Variants in METTL4 observed in about 807,000 individuals in gnomAD.
METTL4 encodes N(6)-adenine-specific methyltransferase METTL4.
In METTL4, 40 loss-of-function variants were observed where a neutral mutation model predicts 54.0. The ratio of observed to expected loss-of-function variants is 0.74; its 90% CI spans 0.58 to 0.96. METTL4 has a LOEUF of 0.96. METTL4 is among the 50% of genes least tolerant of loss of function. The pLI, the probability that METTL4 is intolerant of heterozygous loss-of-function variation, is 0.00. For synonymous variants in METTL4, 169 were observed against 183.8 expected (o/e 0.92, Z 0.65); for missense variants, 525 against 549.0 (o/e 0.96, Z 0.44).
rs2644189 is a variant in METTL4 at position 2,571,412 on chromosome 18, A to G, written c.-702T>C. Reference sequence around the variant, plus strand: ...TTAGGGGTCGTGCCAGTCTTCGTAGAGACGGCCACACTGGCCCACAGACCC... The same window carrying G: ...TTAGGGGTCGTGCCAGTCTTCGTAGGGACGGCCACACTGGCCCACAGACCC... On this transcript the variant is annotated 5_prime_UTR_variant, in exon 1 of 9. Coordinates refer to ENST00000574538, the MANE Select transcript of METTL4 (RefSeq NM_022840.5). 0.71 allele frequency: 108,719 copies of G among 152,228 alleles called. 39,137 individuals carry two copies. Among genetic ancestry groups the G allele is most frequent in the East Asian group, 0.87 (4,474 of 5,168 alleles). The allele number at this position is 152,228 out of a possible 1,614,324, so 9.4% of individuals were successfully genotyped here. A position where few individuals can be genotyped will look rare whatever the true frequency, so the allele number is the denominator to read the frequency against.
chr18:2,539,909 A>G, intron 8 of METTL4: 1 of 957,404 alleles, frequency 1.0e-6, no homozygotes, highest in Admixed American at 6.2e-5. Flanking sequence ...ATAATAATAA[A>G]TGAAGAGCTG....
At chr18:2,550,182 T>C (rs984523780) in intron 5 of METTL4, among the ~76,000 whole-genome samples, 2 of 152,138 alleles carry the variant, frequency 1.3e-5, no homozygotes, top group Non-Finnish European at 2.9e-5. Context: ...TGAAAGTACA[T>C]GGTTTCAGTA....
intron 8 of METTL4, among the ~76,000 whole-genome samples, chr18:2,541,609 T>G (rs2071993285): frequency 6.6e-6 from 1 of 152,196 alleles, no homozygotes; most frequent in African/African-American, 2.4e-5. Flanking sequence ...TAATGTTAGG[T>G]TGTAAACCAT....
At chr18:2,542,549 T>C (rs1203169533) in intron 8 of METTL4, among the ~76,000 whole-genome samples, 4 of 152,074 alleles carry the variant, frequency 2.6e-5, no homozygotes, top group African/African-American at 4.8e-5. Flanking sequence ...AAGAAAAAAA[T>C]AAGGTTTGAG....
chr18:2,537,995 A>G lies in METTL4; in HGVS notation c.*1005T>C. 2.5e-6 allele frequency: 1 copy of G among 398,466 alleles called. No individual in the cohort carries two copies. The allele number at this position is 398,466 out of a possible 1,614,324, so 24.7% of individuals were successfully genotyped here. A position where few individuals can be genotyped will look rare whatever the true frequency, so the allele number is the denominator to read the frequency against. On this transcript the variant is annotated 3_prime_UTR_variant, in exon 9 of 9. Coordinates refer to ENST00000574538, the MANE Select transcript of METTL4 (RefSeq NM_022840.5). Reference sequence around the variant, plus strand: ...GTATCATGATCACTGTGGCAGACAGACAACTGTATATATGTTTTCAAAATT... The same window carrying G: ...GTATCATGATCACTGTGGCAGACAGGCAACTGTATATATGTTTTCAAAATT...
At position 2,554,933 on chromosome 18, in the gene METTL4, T is replaced by C; in HGVS notation, c.565A>G (p.Ile189Val). 1.2e-6 allele frequency: 2 copies of C among 1,614,126 alleles called. No homozygotes were observed. Among genetic ancestry groups the C allele is most frequent in the Non-Finnish European group, 1.7e-6 (2 of 1,179,962 alleles). The change falls in exon 4 of 9, where the codon ATT becomes GTT. Residue 189 changes from isoleucine (I) to valine (V), a missense_variant. Transcript: ENST00000574538. ...FEKQDKGSKP[I>V]TLPLDACSLS... ...CTGCAGGCGTCAAGTGGTAAAGTAATGGGCTTACTACCCTTGTCCTGTTTT... is the reference window on the plus strand; with the variant it reads ...CTGCAGGCGTCAAGTGGTAAAGTAACGGGCTTACTACCCTTGTCCTGTTTT...
At chr18:2,542,022 A>C (rs2143468872) in intron 8 of METTL4, among the ~76,000 whole-genome samples, 1 of 152,242 alleles carries the variant, frequency 6.6e-6, no homozygotes, top group South Asian at 2.1e-4. Context: ...TCCTATCACT[A>C]CTTAACCAAA....
rs1274548750 is a variant in METTL4 at position 2,565,974 on chromosome 18, G to C, written c.396+847C>G. 2.0e-5 allele frequency among the ~76,000 whole-genome samples: 3 copies of C among 151,462 alleles called. No individual in the cohort carries two copies. In the East Asian group the frequency reaches 5.8e-4, roughly 29 times the overall value. On this transcript the variant is annotated intron_variant, in intron 2 of 8. Transcript: ENST00000574538. ...AGGCAGGAGAATGGCGTGAACCCGGGAGGCGGAGCTTGCAGTGAGCTGAGA... is the reference window on the plus strand; with the variant it reads ...AGGCAGGAGAATGGCGTGAACCCGGCAGGCGGAGCTTGCAGTGAGCTGAGA...
At chr18:2,550,817 G>A (rs1428550020) in intron 5 of METTL4, among the ~76,000 whole-genome samples, 3 of 152,122 alleles carry the variant, frequency 2.0e-5, no homozygotes, top group Non-Finnish European at 4.4e-5. Flanking sequence ...GACATTCCTG[G>A]GACAATCAGT....
In METTL4 at chr18:2,537,754, C is replaced by T. The variant is rs908951956; in HGVS notation, c.*1246G>A. 2.8e-5 allele frequency: 11 copies of T among 396,928 alleles called. No individual in the cohort carries two copies. The highest frequency in any genetic ancestry group is 2.3e-4 in the African/African-American group (11 of 48,548). The allele number at this position is 396,928 out of a possible 1,614,324, so 24.6% of individuals were successfully genotyped here. ...TACTTAGTGGATAAATATTTGTCAA[C>T]AATCTGTAAATAGTATAAATGCTTT... is the stretch of plus-strand genomic sequence containing the variant. On this transcript the variant is annotated 3_prime_UTR_variant, in exon 9 of 9. Transcript: ENST00000574538.
At chr18:2,544,984 T>G (rs2072050739) in intron 6 of METTL4, among the ~76,000 whole-genome samples, 1 of 152,156 alleles carries the variant, frequency 6.6e-6, no homozygotes, top group African/African-American at 2.4e-5. Flanking sequence ...CTAACATACT[T>G]GAAATACTGT....
intron 1 of METTL4, among the ~76,000 whole-genome samples, chr18:2,569,437 C>T (rs1311746960): frequency 6.6e-6 from 1 of 152,176 alleles, no homozygotes; most frequent in African/African-American, 2.4e-5. Context: ...AATCACCTTG[C>T]TTCTCCTTAC....
intron 8 of METTL4, chr18:2,539,981 T>G: frequency 1.0e-6 from 1 of 978,482 alleles, no homozygotes; most frequent in South Asian, 4.7e-5. Flanking sequence ...CCCTTAGCAG[T>G]AAATTGGTAG....
Position 2,551,807 on chromosome 18 carries a change from A to T in METTL4, c.899+888T>A, listed in dbSNP as rs143260523. Among the ~76,000 whole-genome samples, 421 of 152,344 alleles carry T rather than the reference A, an allele frequency of 2.8e-3. 3 individuals are homozygous for T. The highest frequency in any genetic ancestry group is 9.5e-3 in the African/African-American group (395 of 41,584). ...GTGAGGATCACTGAGGAGAAGAAGA[A>T]ATTTCATATGAAGTTTAAGTCAAGG... On this transcript the variant is annotated intron_variant, in intron 5 of 8. Transcript: ENST00000574538.
rs2071946303 is a variant in METTL4 at position 2,538,716 on chromosome 18, T to C, written c.*284A>G. ...TAGGATTAAGACCTCTGGTCCACGG[T>C]GTATGTTTTCTGAACTTTTTCAATA... is the stretch of plus-strand genomic sequence containing the variant. On this transcript the variant is annotated 3_prime_UTR_variant, in exon 9 of 9. Coordinates refer to ENST00000574538, the MANE Select transcript of METTL4 (RefSeq NM_022840.5). The C allele has an allele frequency of 2.9e-6, 1 of 344,748 alleles. No homozygotes were observed. The highest frequency in any genetic ancestry group is 5.6e-5 in the South Asian group (1 of 18,002). The allele number at this position is 344,748 out of a possible 1,614,324, so 21.4% of individuals were successfully genotyped here.
chr18:2,557,802 G>C (rs550062742), intron 3 of METTL4, among the ~76,000 whole-genome samples: 1 of 152,272 alleles, frequency 6.6e-6, no homozygotes, highest in East Asian at 1.9e-4. Flanking sequence ...CTTTGTCCCT[G>C]ACCTAGGAGT....
intron 6 of METTL4, among the ~76,000 whole-genome samples, chr18:2,546,662 T>C (rs1457180622): frequency 6.6e-6 from 1 of 152,176 alleles, no homozygotes; most frequent in African/African-American, 2.4e-5. Flanking sequence ...AAGGCGTTTA[T>C]AGAAATCATC....
intron 6 of METTL4, among the ~76,000 whole-genome samples, chr18:2,545,161 T>C (rs1404322138): frequency 6.6e-6 from 1 of 152,142 alleles, no homozygotes; most frequent in Non-Finnish European, 1.5e-5. Context: ...GCTACCATAT[T>C]AGACACTGCT....
intron 5 of METTL4, among the ~76,000 whole-genome samples, chr18:2,551,093 G>A (rs1473309622): frequency 2.7e-5 from 4 of 149,070 alleles, no homozygotes; most frequent in Non-Finnish European, 5.9e-5. Flanking sequence ...GAACCCGGGA[G>A]GCGGAGCTTG....
Sources: gnomAD v4.1 joint callset for allele counts (sites outside exome capture counted in the v4.1 genomes callset) on GRCh38, gnomAD v4.1.1 for gene constraint, MANE v1.5 for transcripts, NCBI Gene and HGNC (gene_info 2026-07-23, HGNC 2026-07-21) for gene names.